SGCZ: variants seen among roughly 807,000 people sequenced by gnomAD.
SGCZ encodes zeta-sarcoglycan.
In SGCZ, 40 loss-of-function variants were observed where a neutral mutation model predicts 41.3. The observed-to-expected ratio is 0.97, with a 90% CI of 0.75 to 1.26. SGCZ has a LOEUF of 1.26. SGCZ is among the 50% of genes most tolerant of loss of function. The pLI, the probability that SGCZ is intolerant of heterozygous loss-of-function variation, is 0.00. For missense variants in SGCZ, 552 were observed against 369.8 expected, an observed-to-expected ratio of 1.49 and a Z score of -4.04; for synonymous variants, 206 against 137.5, an observed-to-expected ratio of 1.50 and a Z score of -3.49.
intron 2 of SGCZ, among the ~76,000 whole-genome samples, chr8:14,473,679 T>A (rs918791050): frequency 6.6e-6 from 1 of 152,126 alleles, no homozygotes; most frequent in East Asian, 1.9e-4. Flanking sequence ...GTCTCAAGCC[T>A]GTAATCCCAG....
chr8:15,171,362 T>C (rs1429832677), intron 1 of SGCZ, among the ~76,000 whole-genome samples: 1 of 152,220 alleles, frequency 6.6e-6, no homozygotes, highest in African/African-American at 2.4e-5. Flanking sequence ...GAAACAGATC[T>C]AGAAACATAA....
At chr8:15,089,222 C>T (rs78897202) in intron 1 of SGCZ, among the ~76,000 whole-genome samples, 5,240 of 152,186 alleles carry the variant, frequency 0.034, 175 homozygotes, top group South Asian at 0.14. Context: ...GTAAAACCAA[C>T]ACTAGTTAAT....
intron 2 of SGCZ, among the ~76,000 whole-genome samples, chr8:14,340,224 T>C (rs1050436141): frequency 6.6e-6 from 1 of 152,138 alleles, no homozygotes; most frequent in Admixed American, 6.5e-5. Context: ...AGTTAAGATT[T>C]CTTCCCATGT....
chr8:14,101,977 TGGGTTCGTGA>T (rs143769428), intron 7 of SGCZ, among the ~76,000 whole-genome samples: 54 of 151,488 alleles, frequency 3.6e-4, no homozygotes, highest in African/African-American at 1.3e-3. Context: ...CCGCCTCCCA[TGGGTTCGTGA>T]ATGGGAGTGA....
intron 1 of SGCZ, among the ~76,000 whole-genome samples, chr8:15,226,348 T>G (rs1801772520): frequency 6.6e-6 from 1 of 152,232 alleles, no homozygotes; most frequent in African/African-American, 2.4e-5. Flanking sequence ...AGGAGATTGT[T>G]AAGCATAACT....
chr8:15,043,859 G>C (rs1804203249), intron 1 of SGCZ, among the ~76,000 whole-genome samples: 1 of 152,022 alleles, frequency 6.6e-6, no homozygotes, highest in Non-Finnish European at 1.5e-5. Context: ...AAGTGAAGTA[G>C]AATTCCTTTC....
chr8:14,827,277 C>T (rs1802365899), intron 1 of SGCZ, among the ~76,000 whole-genome samples: 2 of 147,134 alleles, frequency 1.4e-5, no homozygotes, highest in South Asian at 2.2e-4. Context: ...CACTCTGTCA[C>T]CCAGGCTGGA....
chr8:14,949,704 G>A (rs1387804739), intron 1 of SGCZ, among the ~76,000 whole-genome samples: 2 of 151,918 alleles, frequency 1.3e-5, no homozygotes, highest in African/African-American at 2.4e-5. Flanking sequence ...TATCTTTTTG[G>A]ATTATCTCTA....
chr8:14,512,776 A>G (rs967523917), intron 2 of SGCZ, among the ~76,000 whole-genome samples: 1 of 151,932 alleles, frequency 6.6e-6, no homozygotes, highest in African/African-American at 2.4e-5. Flanking sequence ...GATGCTCAAA[A>G]TTTAATATTT....
At chr8:14,510,420 A>G (rs1585612597) in intron 2 of SGCZ, among the ~76,000 whole-genome samples, 1 of 151,840 alleles carries the variant, frequency 6.6e-6, no homozygotes, top group Non-Finnish European at 1.5e-5. Flanking sequence ...ATCTATTACT[A>G]TAAAACCTAT....
intron 3 of SGCZ, among the ~76,000 whole-genome samples, chr8:14,323,388 T>C (rs1422733221): frequency 1.3e-5 from 2 of 152,050 alleles, no homozygotes; most frequent in Non-Finnish European, 2.9e-5. Context: ...ACTTCTCTCT[T>C]AATAAACTTA....
chr8:15,062,458 A>T (rs550571635), intron 1 of SGCZ, among the ~76,000 whole-genome samples: 14 of 152,266 alleles, frequency 9.2e-5, no homozygotes, highest in African/African-American at 3.4e-4. Context: ...CCATTTCACC[A>T]TTCCTATGCA....
chr8:14,116,709 C>A (rs1277959964), intron 5 of SGCZ, among the ~76,000 whole-genome samples: 1 of 152,004 alleles, frequency 6.6e-6, no homozygotes, highest in African/African-American at 2.4e-5. Context: ...CCATGTAATT[C>A]ATGTATACCG....
chr8:14,236,628 T>A (rs571865893), intron 4 of SGCZ, among the ~76,000 whole-genome samples: 1 of 151,710 alleles, frequency 6.6e-6, no homozygotes, highest in South Asian at 2.1e-4. Context: ...TGTAATTTAC[T>A]TTTCTCTTTC....
At chr8:14,572,832 A>T (rs1343389623) in intron 1 of SGCZ, among the ~76,000 whole-genome samples, 2 of 152,112 alleles carry the variant, frequency 1.3e-5, no homozygotes, top group Non-Finnish European at 2.9e-5. Context: ...TAGAAACCAG[A>T]TTTTTAAATC....
At chr8:14,231,347 G>C (rs550781561) in intron 4 of SGCZ, among the ~76,000 whole-genome samples, 5 of 151,932 alleles carry the variant, frequency 3.3e-5, no homozygotes, top group Admixed American at 2.6e-4. Context: ...AAGAGTCTTA[G>C]GGAAGGTCTT....
chr8:15,095,060 T>C (rs900531402), intron 1 of SGCZ, among the ~76,000 whole-genome samples: 9 of 152,208 alleles, frequency 5.9e-5, no homozygotes, highest in Admixed American at 4.6e-4. Context: ...AAAATTTTAA[T>C]GCTTCTATGT....
chr8:14,782,241 G>C (rs981007124), intron 1 of SGCZ, among the ~76,000 whole-genome samples: 2 of 152,112 alleles, frequency 1.3e-5, no homozygotes, highest in South Asian at 4.1e-4. Context: ...AAAGTAATAT[G>C]CTGAGATTAT....
At chr8:14,989,471 G>C (rs1021829319) in intron 1 of SGCZ, among the ~76,000 whole-genome samples, 1 of 152,042 alleles carries the variant, frequency 6.6e-6, no homozygotes, top group Non-Finnish European at 1.5e-5. Context: ...GTGTGATAAA[G>C]CAAGACCAGT....
Sources: allele counts gnomAD v4.1 joint callset (sites outside exome capture counted in the v4.1 genomes callset), GRCh38; gene constraint gnomAD v4.1.1; transcripts MANE v1.5; gene names NCBI Gene and HGNC (gene_info 2026-07-23, HGNC 2026-07-21).